TMEM132B: variants seen among roughly 807,000 people sequenced by gnomAD.
TMEM132B encodes transmembrane protein 132B.
A neutral mutation model predicts 90.8 loss-of-function variants in TMEM132B; 18 were observed. The ratio of observed to expected loss-of-function variants is 0.20; its 90% CI spans 0.14 to 0.29. The LOEUF is 0.29. TMEM132B is among the 10% of genes least tolerant of loss of function. The pLI, the probability that TMEM132B is intolerant of heterozygous loss-of-function variation, is 1.00. For missense variants in TMEM132B, 1,096 were observed against 1,326.8 expected (o/e 0.83, Z 2.70); for synonymous variants, 504 against 523.3 (o/e 0.96, Z 0.50).
chr12:125,513,342 G>A (rs1883029852), intron 3 of TMEM132B, among the ~76,000 whole-genome samples: 1 of 152,158 alleles, frequency 6.6e-6, no homozygotes, highest in Non-Finnish European at 1.5e-5. Flanking sequence ...GCGTGTGCCT[G>A]TGTGCGTGTG....
intron 1 of TMEM132B, among the ~76,000 whole-genome samples, chr12:125,282,431 C>G (rs1342675644): frequency 6.6e-6 from 1 of 152,178 alleles, no homozygotes; most frequent in African/African-American, 2.4e-5. Context: ...CTAACCATTC[C>G]ACAACCAAAG....
At chr12:125,280,107 G>A (rs1394845011) in intron 1 of TMEM132B, among the ~76,000 whole-genome samples, 1 of 152,154 alleles carries the variant, frequency 6.6e-6, no homozygotes, top group Non-Finnish European at 1.5e-5. Flanking sequence ...AAACTCCCAG[G>A]CTGCGAATGG....
chr12:125,309,737 T>C (rs1876077533), intron 1 of TMEM132B, among the ~76,000 whole-genome samples: 1 of 152,212 alleles, frequency 6.6e-6, no homozygotes, highest in African/African-American at 2.4e-5. Context: ...AATTAAAATT[T>C]CTAGGAGTTG....
intron 4 of TMEM132B, among the ~76,000 whole-genome samples, chr12:125,566,796 TTCC>T (rs1490323247): frequency 6.6e-6 from 1 of 151,548 alleles, no homozygotes; most frequent in African/African-American, 2.4e-5. Flanking sequence ...TCTTTCTCGA[TTCC>T]TCCTCCTTCT....
chr12:125,275,447 C>A (rs969439943), intron 1 of TMEM132B, among the ~76,000 whole-genome samples: 2 of 152,264 alleles, frequency 1.3e-5, no homozygotes, highest in Admixed American at 6.5e-5. Context: ...GAGTCCCTTG[C>A]CCTTGATGGA....
At chr12:125,202,951 C>G (rs1055846880) in intron 1 of TMEM132B, among the ~76,000 whole-genome samples, 2 of 152,172 alleles carry the variant, frequency 1.3e-5, no homozygotes, top group Admixed American at 6.5e-5. Context: ...AATTGGGTTT[C>G]TTTCACTTGC....
chr12:125,362,058 C>G (rs924097491), intron 2 of TMEM132B, among the ~76,000 whole-genome samples: 2 of 152,186 alleles, frequency 1.3e-5, no homozygotes, highest in Non-Finnish European at 2.9e-5. Context: ...GTTTTTAAGC[C>G]TGTTTTACAG....
chr12:125,231,171 C>T (rs10846850), intron 1 of TMEM132B, among the ~76,000 whole-genome samples: 18,644 of 151,920 alleles, frequency 0.12, 1,264 homozygotes, highest in Non-Finnish European at 0.15. Flanking sequence ...AGTTGCCTCG[C>T]TCCTGTCTCT....
At chr12:125,592,470 C>T (rs1885337774) in intron 5 of TMEM132B, among the ~76,000 whole-genome samples, 1 of 152,144 alleles carries the variant, frequency 6.6e-6, no homozygotes. Flanking sequence ...AAAGCCTTCC[C>T]TGTCCCAGGG....
intron 3 of TMEM132B, among the ~76,000 whole-genome samples, chr12:125,472,081 C>T (rs1045814355): frequency 5.9e-5 from 9 of 152,192 alleles, no homozygotes; most frequent in African/African-American, 2.2e-4. Flanking sequence ...ATCCTAGCCT[C>T]AGGTCCCCAA....
At chr12:125,469,995 A>G (rs1881667193) in intron 3 of TMEM132B, among the ~76,000 whole-genome samples, 3 of 151,442 alleles carry the variant, frequency 2.0e-5, no homozygotes, top group African/African-American at 7.4e-5. Flanking sequence ...ATTAAAATAC[A>G]ATTTATTTTG....
intron 3 of TMEM132B, among the ~76,000 whole-genome samples, chr12:125,446,061 T>C (rs896374127): frequency 3.9e-5 from 6 of 152,262 alleles, no homozygotes; most frequent in Non-Finnish European, 5.9e-5. Context: ...CGCCAAGTTG[T>C]TCCTTTCTTG....
rs570112672 is a variant in TMEM132B, at chr12:125,415,122, T to C, written c.960-409T>C. 4.6e-5 allele frequency among the ~76,000 whole-genome samples: 7 copies of C among 152,236 alleles called. No individual in the cohort carries two copies. In the East Asian group the frequency reaches 1.4e-3, roughly 29 times the overall value. On this transcript the variant is annotated intron_variant, in intron 2 of 8. Transcript: ENST00000682704. This position sits in a 1 kb window ranked among gnomAD's most constrained non-coding sequence, Gnocchi z 5.3. ...CTCTTCCATCCCCTGGGCTGTGTGA[T>C]CTTCTGGCCTTGCACAACCCACCCC...
At chr12:125,605,617 C>T (rs1406492850) in intron 5 of TMEM132B, among the ~76,000 whole-genome samples, 2 of 152,044 alleles carry the variant, frequency 1.3e-5, no homozygotes, top group Non-Finnish European at 2.9e-5. Context: ...TTTCAGTGGG[C>T]GTCTGTACTC....
chr12:125,248,523 T>G (rs1874252232), intron 1 of TMEM132B, among the ~76,000 whole-genome samples: 1 of 152,238 alleles, frequency 6.6e-6, no homozygotes, highest in Middle Eastern at 3.2e-3. Context: ...TAGCGTTTGA[T>G]AGAGTTTATA....
chr12:125,307,484 C>T (rs1199600553), intron 1 of TMEM132B, among the ~76,000 whole-genome samples: 1 of 151,854 alleles, frequency 6.6e-6, no homozygotes, highest in African/African-American at 2.4e-5. Flanking sequence ...CTCTTAGGAC[C>T]GTTGTTGGAT....
intron 1 of TMEM132B, among the ~76,000 whole-genome samples, chr12:125,304,587 G>A (rs938516129): frequency 6.6e-6 from 1 of 152,128 alleles, no homozygotes; most frequent in Non-Finnish European, 1.5e-5. Flanking sequence ...CAGTTTTGGT[G>A]TATGGTATAA....
chr12:125,557,883 G>A, intron 4 of TMEM132B, among the ~76,000 whole-genome samples: 1 of 152,120 alleles, frequency 6.6e-6, no homozygotes, highest in East Asian at 1.9e-4. Flanking sequence ...AGGGGCACCT[G>A]GCTTAAGAAG....
chr12:125,612,552 A>T (rs1885859040), intron 5 of TMEM132B, among the ~76,000 whole-genome samples: 1 of 146,784 alleles, frequency 6.8e-6, no homozygotes, highest in South Asian at 2.1e-4. Flanking sequence ...GATGTTTTGA[A>T]GTATATATAT....
Sources: gnomAD v4.1 joint callset for allele counts (sites outside exome capture counted in the v4.1 genomes callset) on GRCh38, gnomAD v4.1.1 for gene constraint, Gnocchi (gnomAD v3.1) non-coding constraint, MANE v1.5 for transcripts, NCBI Gene and HGNC (gene_info 2026-07-23, HGNC 2026-07-21) for gene names.